Variants in CACNA2D1 observed in about 807,000 individuals in gnomAD.
CACNA2D1 encodes the protein calcium voltage-gated channel auxiliary subunit alpha2delta 1.
A neutral mutation model predicts 171.5 loss-of-function variants in CACNA2D1; 53 were observed. That is an observed-to-expected ratio of 0.31 (90% CI 0.25 to 0.39). CACNA2D1 has a LOEUF of 0.39. Ranked by LOEUF, CACNA2D1 falls within the 10% of genes least tolerant of loss-of-function variation. The pLI, the probability that CACNA2D1 is intolerant of heterozygous loss-of-function variation, is 1.00. For missense variants in CACNA2D1, 903 were observed against 1,299.8 expected (o/e 0.69, Z 4.69); for synonymous variants, 442 against 443.1 (o/e 1.00, Z 0.03).
At chr7:82,090,554 T>TAGTACTATTTTATATTTA (rs1170863175) in intron 6 of CACNA2D1, among the ~76,000 whole-genome samples, 2 of 152,104 alleles carry the variant, frequency 1.3e-5, no homozygotes, top group Non-Finnish European at 2.9e-5. Flanking sequence ...ACTAATAGTT[T>TAGTACTATTTTATATTTA]AGTACTATTT....
intron 6 of CACNA2D1, among the ~76,000 whole-genome samples, chr7:82,085,636 G>A (rs774181802): frequency 2.6e-5 from 4 of 151,300 alleles, no homozygotes; most frequent in East Asian, 1.9e-4. Flanking sequence ...GACAATATCC[G>A]TGTTAGAAAC....
intron 1 of CACNA2D1, among the ~76,000 whole-genome samples, chr7:82,401,559 G>A (rs1196325845): frequency 7.2e-6 from 1 of 139,676 alleles, no homozygotes; most frequent in Non-Finnish European, 1.5e-5. Context: ...ACTGTTGTGG[G>A]GTGAGGGGAG....
intron 15 of CACNA2D1, among the ~76,000 whole-genome samples, chr7:82,010,548 C>G (rs2130912606): frequency 6.6e-6 from 1 of 152,216 alleles, no homozygotes; most frequent in South Asian, 2.1e-4. Flanking sequence ...ATTGACTCCT[C>G]CTATCATACA....
chr7:82,043,989 A>G (rs1275242958), intron 10 of CACNA2D1, among the ~76,000 whole-genome samples: 1 of 152,174 alleles, frequency 6.6e-6, no homozygotes, highest in Non-Finnish European at 1.5e-5. Flanking sequence ...TCTACTTGAA[A>G]CTTCAGTGAA....
intron 3 of CACNA2D1, among the ~76,000 whole-genome samples, chr7:82,233,890 G>A (rs1427098211): frequency 6.6e-6 from 1 of 151,966 alleles, no homozygotes; most frequent in Admixed American, 6.6e-5. Context: ...CCCAAATCCT[G>A]ATTATTTTTT....
chr7:82,249,217 G>C (rs1300143087), intron 3 of CACNA2D1, among the ~76,000 whole-genome samples: 1 of 152,044 alleles, frequency 6.6e-6, no homozygotes, highest in African/African-American at 2.4e-5. Flanking sequence ...ATGTAACCGG[G>C]GTAAAAGACA....
chr7:82,302,445 T>C lies in CACNA2D1; in HGVS notation c.294+32690A>G, dbSNP rs1813135486. On this transcript the variant is annotated intron_variant, in intron 3 of 38. Transcript: ENST00000356860. ...TTTTTTTGGAGACGGAGTTTCGCTCTTGATGCCCAGGCTGGAGTGCAATGG... is the reference window on the plus strand; with the variant it reads ...TTTTTTTGGAGACGGAGTTTCGCTCCTGATGCCCAGGCTGGAGTGCAATGG... Among the ~76,000 whole-genome samples the C allele has an allele frequency of 2.0e-5, 3 of 150,520 alleles. No homozygotes were observed. In the South Asian group the frequency reaches 6.3e-4, roughly 32 times the overall value.
intron 1 of CACNA2D1, among the ~76,000 whole-genome samples, chr7:82,369,955 G>A (rs960827476): frequency 3.3e-5 from 5 of 151,794 alleles, no homozygotes; most frequent in East Asian, 3.9e-4. Context: ...TGGCAAAAGC[G>A]GCCTAATCAT....
chr7:81,955,557 C>CGATATTAT (rs1333282552), intron 38 of CACNA2D1, among the ~76,000 whole-genome samples: 4 of 151,816 alleles, frequency 2.6e-5, no homozygotes, highest in African/African-American at 9.7e-5. Context: ...TATACATCAT[C>CGATATTAT]GATATTATGT....
At position 81,991,077 on chromosome 7, in the gene CACNA2D1, A is replaced by C. The variant is rs1797495212; in HGVS notation, c.1796+108T>G. 7.4e-6 allele frequency: 5 copies of C among 672,238 alleles called. No individual in the cohort carries two copies. In the South Asian group the frequency reaches 8.6e-5, roughly 12 times the overall value. The allele number at this position is 672,238 out of a possible 1,614,324, so 41.6% of individuals were successfully genotyped here. On this transcript the variant is annotated intron_variant, in intron 21 of 38. Coordinates refer to ENST00000356860, the MANE Select transcript of CACNA2D1 (RefSeq NM_000722.4). ...TAGTCTATAAGTTTAGTATGTTTTC[A>C]TGTTGGGAACTTTTCTAGTGAAAAT... is the stretch of plus-strand genomic sequence containing the variant.
chr7:82,152,479 C>T (rs1319351422), intron 4 of CACNA2D1, among the ~76,000 whole-genome samples: 1 of 151,932 alleles, frequency 6.6e-6, no homozygotes, highest in Non-Finnish European at 1.5e-5. Flanking sequence ...CAAAGTTCTA[C>T]AAAAGGTATA....
At chr7:82,168,917 A>G (rs779494650) in intron 4 of CACNA2D1, among the ~76,000 whole-genome samples, 56 of 152,190 alleles carry the variant, frequency 3.7e-4, no homozygotes, top group Admixed American at 5.2e-4. Flanking sequence ...GTCTGTTTTG[A>G]GTTCTCCGAA....
intron 3 of CACNA2D1, among the ~76,000 whole-genome samples, chr7:82,303,278 A>T (rs1239324873): frequency 6.6e-6 from 1 of 152,206 alleles, no homozygotes; most frequent in African/African-American, 2.4e-5. Context: ...AAGTGCTGTG[A>T]TTACAGGCGT....
intron 3 of CACNA2D1, among the ~76,000 whole-genome samples, chr7:82,186,255 AAAGG>A (rs202046885): frequency 0.41 from 45,302 of 111,426 alleles, 9,289 homozygotes; most frequent in Non-Finnish European, 0.47. Flanking sequence ...AGGAAGGAAG[AAAGG>A]AAGGAAGGAA....
intron 3 of CACNA2D1, among the ~76,000 whole-genome samples, chr7:82,309,690 G>T (rs1814185460): frequency 6.6e-6 from 1 of 152,182 alleles, no homozygotes; most frequent in Non-Finnish European, 1.5e-5. Flanking sequence ...GGAGTCTGGA[G>T]AAGTGGCCAT....
At position 81,971,664 on chromosome 7, in the gene CACNA2D1, T is replaced by C. The variant is rs1795288718; in HGVS notation, c.2141+113A>G. 3 of 694,840 alleles carry C rather than the reference T, an allele frequency of 4.3e-6. No homozygotes were observed. The African/African-American group carries it at 5.4e-5, about 13-fold the overall frequency. The allele number at this position is 694,840 out of a possible 1,614,324, so 43.0% of individuals were successfully genotyped here. A position where few individuals can be genotyped will look rare whatever the true frequency, so the allele number is the denominator to read the frequency against. On this transcript the variant is annotated intron_variant, in intron 26 of 38. Coordinates refer to ENST00000356860, the MANE Select transcript of CACNA2D1 (RefSeq NM_000722.4). The stretch of plus-strand genomic sequence containing the variant: ...ACTGTATAGTGATTTTCTTGAGAAA[T>C]ATTAAACATTATTAATGAACTGTAA...
intron 1 of CACNA2D1, among the ~76,000 whole-genome samples, chr7:82,364,191 C>G (rs1402722328): frequency 2.0e-5 from 3 of 152,140 alleles, no homozygotes; most frequent in Admixed American, 2.0e-4. Context: ...TCATTGCACT[C>G]CAGCCTGGGT....
At chr7:82,060,139 ATT>A (rs1806451332) in intron 10 of CACNA2D1, among the ~76,000 whole-genome samples, 1 of 78,928 alleles carries the variant, frequency 1.3e-5, no homozygotes, top group Admixed American at 2.3e-4. Flanking sequence ...TAAAACTTAA[ATT>A]ATATATATGT....
chr7:82,192,050 T>C (rs1027087231), intron 3 of CACNA2D1, among the ~76,000 whole-genome samples: 5 of 151,790 alleles, frequency 3.3e-5, no homozygotes, highest in African/African-American at 7.2e-5. Context: ...AATGTTTGAC[T>C]CTTCTCTATC....
Sources: allele counts gnomAD v4.1 joint callset (sites outside exome capture counted in the v4.1 genomes callset), GRCh38; gene constraint gnomAD v4.1.1; transcripts MANE v1.5; gene names NCBI Gene and HGNC (gene_info 2026-07-23, HGNC 2026-07-21).